Variants in SMPD4 observed in about 807,000 individuals in gnomAD.
The protein encoded by SMPD4 is sphingomyelin phosphodiesterase 4, also known as neutral sphingomyelinase 3.
Under a neutral mutation model 97.8 loss-of-function variants are expected in SMPD4, and 58 were observed. The observed-to-expected ratio is 0.59, with a 90% CI of 0.48 to 0.74. SMPD4 has a LOEUF of 0.74. Ranked by LOEUF, SMPD4 falls within the 30% of genes least tolerant of loss-of-function variation. The probability of loss-of-function intolerance (pLI) is 0.00; values close to 1 mark genes in which losing one functional copy is unlikely to be tolerated. For synonymous variants in SMPD4, 388 were observed against 450.0 expected, an observed-to-expected ratio of 0.86 and a Z score of 1.74; for missense variants, 853 against 1,080.5, an observed-to-expected ratio of 0.79 and a Z score of 2.95.
At chr2:130,154,055 A>T (rs1686506784) in intron 16 of SMPD4, 120 bp from the exon 17 acceptor site, 12 of 1,122,818 alleles carry the variant, frequency 1.1e-5, no homozygotes, top group Non-Finnish European at 1.5e-5. Context: ...CTGCCAGAAG[A>T]CTTTTAAAGA....
At position 130,173,513 on chromosome 2, in the gene SMPD4, C is replaced by T. The variant is rs1688674199; in HGVS notation, c.269+1G>A. 1 of 1,599,702 alleles carries T rather than the reference C, an allele frequency of 6.3e-7. No individual in the cohort carries two copies. The highest frequency in any genetic ancestry group is 8.5e-7 in the Non-Finnish European group (1 of 1,170,660). ...CTCTCTCCGGTGACCAACCTACCTACCCAGGGTCGAGAAATTCCATCACGA... is the reference window on the plus strand; with the variant it reads ...CTCTCTCCGGTGACCAACCTACCTATCCAGGGTCGAGAAATTCCATCACGA... On this transcript the variant is annotated splice_donor_variant, in intron 4 of 19. Coordinates refer to ENST00000680298, the MANE Select transcript of SMPD4 (RefSeq NM_017951.5). LOFTEE classifies it high-confidence loss of function.
chr2:130,180,065 G>A (rs1016390482), intron 1 of SMPD4, among the ~76,000 whole-genome samples: 2 of 150,082 alleles, frequency 1.3e-5, no homozygotes, highest in African/African-American at 2.5e-5. Context: ...CCGGGTTCAC[G>A]CCATTCTCCT....
intron 8 of SMPD4, 72 bp downstream of exon 8, chr2:130,172,277 C>A (rs1357626530): frequency 1.4e-6 from 2 of 1,441,474 alleles, no homozygotes; most frequent in Non-Finnish European, 1.8e-6. Context: ...GCAACATTGT[C>A]CCCGTGGGCG....
In SMPD4 at chr2:130,153,329, C is replaced by G. The variant is rs1347648789; in HGVS notation, c.2015G>C (p.Gly672Ala). ...GEDGLILTPL[G>A]RYQIINGLRR... ...ACACGGGCCTCTCACCTGGTACCGC[C>G]CCAGGGGCGTAAGGATGAGTCCGTC... is the stretch of plus-strand genomic sequence containing the variant. The change falls in exon 18 of 20, where the codon GGG (glycine) becomes GCG (alanine). Residue 672 changes from glycine (G) to alanine (A), a missense_variant. Gly to Ala is a moderately conservative substitution (Grantham distance 60, BLOSUM62 0). Around this residue, in one of 3 missense-constraint regions of SMPD4, gnomAD observed 511 missense variants for 608.1 expected, o/e 0.84. Transcript: ENST00000680298. 22 of 1,613,626 alleles carry G rather than the reference C, an allele frequency of 1.4e-5. No individual in the cohort carries two copies. Among genetic ancestry groups the G allele is most frequent in the African/African-American group, 2.7e-5 (2 of 74,926 alleles).
chr2:130,181,205 C>T (rs1298966245), intron 1 of SMPD4: 2 of 1,148,354 alleles, frequency 1.7e-6, no homozygotes, highest in African/African-American at 3.2e-5. Context: ...CTTACACCCA[C>T]ACCGCCTGTT....
rs1363915707 is a variant in SMPD4, at chr2:130,168,423, T to G, written c.660-833A>C. On this transcript the variant is annotated intron_variant, in intron 8 of 19. Transcript: ENST00000680298. ...TGGGGTAAGAGAACAAGACCCTGTC[T>G]GCAAATAAAATCAATTTGAAAAAAT... 2.0e-5 allele frequency among the ~76,000 whole-genome samples: 3 copies of G among 152,064 alleles called. No individual in the cohort carries two copies. In the East Asian group the frequency reaches 5.8e-4, roughly 29 times the overall value.
Position 130,164,597 on chromosome 2 carries a change from C to CA in SMPD4, c.793-153dup, listed in dbSNP as rs1687745138. The CA allele has an allele frequency of 4.8e-6, 3 of 624,082 alleles. No individual in the cohort carries two copies. The South Asian group carries it at 6.1e-5, about 13-fold the overall frequency. 38.7% of individuals were successfully genotyped at this position (624,082 alleles called of 1,614,324 possible). On this transcript the variant is annotated intron_variant, in intron 9 of 19. Coordinates refer to ENST00000680298, the MANE Select transcript of SMPD4 (RefSeq NM_017951.5). ...CTGGGCCCTTCCTTCACACCATCAC[C>CA]AAAAAATAACTCAAAATGGGTAAGC...
rs545238161 is a variant in SMPD4 at position 130,170,104 on chromosome 2, G to A, written c.659+2245C>T. Among the ~76,000 whole-genome samples, 77 of 152,186 alleles carry A rather than the reference G, an allele frequency of 5.1e-4. 1 individual carries two copies. The South Asian group carries it at 0.014, about 27-fold the overall frequency. On this transcript the variant is annotated intron_variant, in intron 8 of 19. Coordinates refer to ENST00000680298, the MANE Select transcript of SMPD4 (RefSeq NM_017951.5). ...CATGCCTATAGTCACTGATGTGACA[G>A]GCTGGCTTGAGTGATGATTGTGCCA...
intron 11 of SMPD4, among the ~76,000 whole-genome samples, chr2:130,158,854 T>C (rs956821389): frequency 5.9e-5 from 9 of 152,186 alleles, no homozygotes; most frequent in Non-Finnish European, 1.0e-4. Context: ...CCTCCAGGTA[T>C]ATCCTGGTAT....
Position 130,153,306 on chromosome 2 carries a change from A to G in SMPD4, c.2025+13T>C. The G allele has an allele frequency of 6.2e-7, 1 of 1,613,558 alleles. No homozygotes were observed. Among genetic ancestry groups the G allele is most frequent in the Non-Finnish European group, 8.5e-7 (1 of 1,179,956 alleles). On this transcript the variant is annotated intron_variant, in intron 18 of 19. Coordinates refer to ENST00000680298, the MANE Select transcript of SMPD4 (RefSeq NM_017951.5). ...GGCCCAGCCTGTGCGCCTCTGAGACACGGGCCTCTCACCTGGTACCGCCCC... is the reference window on the plus strand; with the variant it reads ...GGCCCAGCCTGTGCGCCTCTGAGACGCGGGCCTCTCACCTGGTACCGCCCC...
chr2:130,165,976 CAATAAGTTTCATGTTATAT>C (rs1228517453), intron 9 of SMPD4, among the ~76,000 whole-genome samples: 1 of 152,002 alleles, frequency 6.6e-6, no homozygotes, highest in Non-Finnish European at 1.5e-5. Flanking sequence ...ATAGTTAAGA[CAATAAGTTTCATGTTATAT>C]ATATCTTATA....
At chr2:130,162,716 A>C (rs948817976) in intron 10 of SMPD4, among the ~76,000 whole-genome samples, 19 of 152,228 alleles carry the variant, frequency 1.2e-4, no homozygotes, top group African/African-American at 4.3e-4. Context: ...CAGTACGTGT[A>C]GCACAGGCCT....
chr2:130,172,667 C>T lies in SMPD4; in HGVS notation c.465G>A (p.Glu155=), dbSNP rs750238279. The part of the protein sequence containing the change: ...LGLNLALNPF[E]YYIFFFALSL... Reference sequence around the variant, plus strand: ...TCAAGGCAAAGAAGAATATGTAATACTCGAACGGATCTGAGAGCAGCGTCA... The same window carrying T: ...TCAAGGCAAAGAAGAATATGTAATATTCGAACGGATCTGAGAGCAGCGTCA... Residue 155 remains glutamate, a synonymous_variant, in exon 7 of 20, where the codon GAG becomes GAA. Coordinates refer to ENST00000680298, the MANE Select transcript of SMPD4 (RefSeq NM_017951.5). 9 of 1,614,218 alleles carry T rather than the reference C, an allele frequency of 5.6e-6. No homozygotes were observed. The highest frequency in any genetic ancestry group is 1.1e-5 in the South Asian group (1 of 91,084).
rs1190587044 is a variant in SMPD4, at chr2:130,156,621, G to A, written c.1152C>T (p.Cys384=). 1 of 1,613,920 alleles carries A rather than the reference G, an allele frequency of 6.2e-7. No individual in the cohort carries two copies. The highest frequency in any genetic ancestry group is 8.5e-7 in the Non-Finnish European group (1 of 1,179,938). Residue 384 remains cysteine (C), a synonymous_variant, in exon 13 of 20, where the codon TGC becomes TGT. Transcript: ENST00000680298. ...ATGCGTCCAGGGGCCAGTGGCCAAA[G>A]CAATGCTGCAAGAAGAGGTAGAGTT... The part of the protein sequence containing the change: ...QQKLYLFLQH[C]FGHWPLDASF...
chr2:130,178,562 C>T (rs542153785), intron 1 of SMPD4, among the ~76,000 whole-genome samples: 55 of 152,158 alleles, frequency 3.6e-4, no homozygotes, highest in African/African-American at 1.2e-3. Flanking sequence ...TGGGAGGCCG[C>T]GGTGGGCAGA....
rs1306925132 is a variant in SMPD4, at chr2:130,171,091, AAAAT to A, written c.659+1254_659+1257del. Among the ~76,000 whole-genome samples, 43 of 151,514 alleles carry A rather than the reference AAAAT, an allele frequency of 2.8e-4. 1 individual carries two copies. In the East Asian group the frequency reaches 7.2e-3, roughly 25 times the overall value. On this transcript the variant is annotated intron_variant, in intron 8 of 19. Transcript: ENST00000680298. ...AACACAAAATAAAATAAAATAAAAT[AAAAT>A]AAATAAATAAACCCAAACCATATAT...
intron 1 of SMPD4, among the ~76,000 whole-genome samples, chr2:130,179,868 T>C (rs1414780573): frequency 6.6e-6 from 1 of 152,066 alleles, no homozygotes; most frequent in East Asian, 1.9e-4. Flanking sequence ...TTGGCCAGAC[T>C]GGTCTCAAAC....
In SMPD4 at chr2:130,179,282, G is replaced by A. The variant is rs528017415; in HGVS notation, c.-46+2248C>T. 2.9e-3 allele frequency among the ~76,000 whole-genome samples: 437 copies of A among 149,484 alleles called. 2 individuals are homozygous for A. The highest frequency in any genetic ancestry group is 4.4e-3 in the African/African-American group (178 of 40,584). On this transcript the variant is annotated intron_variant, in intron 1 of 19. Transcript: ENST00000680298. ...ACCACAGGCACTGGCCACCACACCC[G>A]GCTAATTTTTTTGTATTTTTAGTAG... is the stretch of plus-strand genomic sequence containing the variant.
rs1241500244 is a variant in SMPD4, at chr2:130,155,148, G to T, written c.1401C>A (p.Phe467Leu). The T allele has an allele frequency of 6.2e-7, 1 of 1,614,198 alleles. No homozygotes were observed. The highest frequency in any genetic ancestry group is 1.3e-5 in the African/African-American group (1 of 75,080). Residue 467 changes from phenylalanine (F) to leucine (L), a missense_variant, in exon 15 of 20, where the codon TTC becomes TTA. Phe to Leu is a conservative substitution (Grantham distance 22). Around this residue, in one of 3 missense-constraint regions of SMPD4, gnomAD observed 511 missense variants for 608.1 expected, o/e 0.84. Transcript: ENST00000680298. The stretch of plus-strand genomic sequence containing the variant: ...GCTGGGCAAAGACTTTGGCCACTCG[G>T]AACACCATGAGCGCGTGCTTGGGGC... ...LVSPKHALMV[F>L]RVAKVFAQPN...
Sources: allele counts gnomAD v4.1 joint callset (sites outside exome capture counted in the v4.1 genomes callset), GRCh38; gene constraint gnomAD v4.1.1; regional missense constraint gnomAD v4.1.1; transcripts MANE v1.5; gene names NCBI Gene and HGNC (gene_info 2026-07-23, HGNC 2026-07-21).